The following DAB1 variants were observed in gnomAD, a reference collection of about 807,000 sequenced individuals.
DAB1 encodes the protein disabled homolog 1.
Under a neutral mutation model 64.6 loss-of-function variants are expected in DAB1, and 15 were observed. The observed-to-expected ratio is 0.23, with a 90% CI of 0.16 to 0.36. The LOEUF is 0.36. Among genes scored for constraint, DAB1 ranks in the 10% least tolerant of loss-of-function variants. The pLI is 1.00. For synonymous variants in DAB1, 235 were observed against 251.9 expected, an observed-to-expected ratio of 0.93 and a Z score of 0.64; for missense variants, 596 against 706.7, an observed-to-expected ratio of 0.84 and a Z score of 1.78.
chr1:58,004,103 T>C (rs1278107286), intron 5 of DAB1, among the ~76,000 whole-genome samples: 1 of 152,068 alleles, frequency 6.6e-6, no homozygotes, highest in East Asian at 1.9e-4. Flanking sequence ...CTCAGAGAAA[T>C]AGGCAGAGGT....
At chr1:57,333,056 C>T (rs1417211853) in intron 1 of DAB1, among the ~76,000 whole-genome samples, 1 of 152,206 alleles carries the variant, frequency 6.6e-6, no homozygotes, top group Non-Finnish European at 1.5e-5. Context: ...TCCCCAAGTA[C>T]ACTAGTAATG....
Position 57,145,378 on chromosome 1 carries a change from A to C in DAB1, c.119T>G (p.Val40Gly). Residue 40 changes from valine to glycine, a missense_variant, in exon 3 of 15, where the codon GTC (valine) becomes GGC (glycine). Val to Gly is a moderately radical substitution (Grantham distance 109, BLOSUM62 -3). Transcript: ENST00000371236. ...TLIKRFKGEGVRYKAKLIGID... is the reference protein window; with the variant it reads ...TLIKRFKGEGGRYKAKLIGID... ...CCCGATCAATTTGGCTTTGTACCGG[A>C]CCCCTTCACCTTTAAACCTCTTTAT... 1 of 1,614,058 alleles carries C rather than the reference A, an allele frequency of 6.2e-7. No homozygotes were observed. Among genetic ancestry groups the C allele is most frequent in the Non-Finnish European group, 8.5e-7 (1 of 1,179,958 alleles).
At chr1:57,414,177 G>C (rs1328626322) in intron 1 of DAB1, among the ~76,000 whole-genome samples, 1 of 152,176 alleles carries the variant, frequency 6.6e-6, no homozygotes, top group East Asian at 1.9e-4. Flanking sequence ...GTTCTGCTGT[G>C]GGTAAAATAC....
intron 1 of DAB1, among the ~76,000 whole-genome samples, chr1:57,847,279 GA>G (rs546954100): frequency 3.0e-4 from 40 of 131,252 alleles, no homozygotes; most frequent in Middle Eastern, 3.8e-3. Context: ...ATCACAGGAG[GA>G]AAAAAAAAAA....
Position 57,583,227 on chromosome 1 carries a change from A to T in DAB1, n.625+66365T>A, listed in dbSNP as rs375088852. ...AGCATCCTAAAGCATACATGTACAAACTTACTTTGGGACTCTAGACACATG... is the reference window on the plus strand; with the variant it reads ...AGCATCCTAAAGCATACATGTACAATCTTACTTTGGGACTCTAGACACATG... On this transcript the variant is annotated intron_variant and non_coding_transcript_variant, in intron 7 of 20. Transcript: ENST00000485760. Among the ~76,000 whole-genome samples, 6 of 151,580 alleles carry T rather than the reference A, an allele frequency of 4.0e-5. No individual in the cohort carries two copies. The South Asian group carries it at 8.4e-4, about 21-fold the overall frequency.
chr1:58,052,700 T>A (rs1173435428), intron 5 of DAB1, among the ~76,000 whole-genome samples: 2 of 152,236 alleles, frequency 1.3e-5, no homozygotes, highest in South Asian at 2.1e-4. Flanking sequence ...CTTCCATTTG[T>A]TCCTGTCCTC....
intron 6 of DAB1, among the ~76,000 whole-genome samples, chr1:57,774,729 A>C (rs957796113): frequency 2.0e-5 from 3 of 151,652 alleles, no homozygotes; most frequent in Non-Finnish European, 3.0e-5. Context: ...CAAATTATCA[A>C]CCAATGTTGT....
At chr1:57,651,904 T>C (rs1487344361) in intron 6 of DAB1, among the ~76,000 whole-genome samples, 2 of 152,224 alleles carry the variant, frequency 1.3e-5, no homozygotes, top group East Asian at 3.8e-4. Flanking sequence ...TGATCTGACC[T>C]GACCAAATCT....
chr1:56,996,145 ATACAATCAT>A lies in DAB1; in HGVS notation c.*1990_*1998del, dbSNP rs1645607230. 6.6e-6 allele frequency: 1 copy of A among 152,262 alleles called. No individual in the cohort carries two copies. 9.4% of individuals were successfully genotyped at this position (152,262 alleles called of 1,614,324 possible). ...ATCACTTTTCGCTTTGTGAACAAGTATACAATCATTTTTCAAATGAATCTCCCAAATCAT... is the reference window on the plus strand; with the variant it reads ...ATCACTTTTCGCTTTGTGAACAAGTATTTTCAAATGAATCTCCCAAATCAT... On this transcript the variant is annotated 3_prime_UTR_variant, in exon 15 of 15. Transcript: ENST00000371236.
At chr1:57,783,411 T>C (rs2101847947) in intron 6 of DAB1, among the ~76,000 whole-genome samples, 1 of 152,264 alleles carries the variant, frequency 6.6e-6, no homozygotes, top group East Asian at 1.9e-4. Flanking sequence ...TGAAAATAGT[T>C]TTCTATGTCA....
intron 6 of DAB1, among the ~76,000 whole-genome samples, chr1:57,736,315 C>T (rs2101782415): frequency 6.6e-6 from 1 of 152,216 alleles, no homozygotes; most frequent in South Asian, 2.1e-4. Context: ...ATGCTAGGAC[C>T]CCAAAGCAAA....
intron 6 of DAB1, among the ~76,000 whole-genome samples, chr1:57,674,288 G>A (rs1232216758): frequency 6.6e-6 from 1 of 152,244 alleles, no homozygotes; most frequent in East Asian, 1.9e-4. Flanking sequence ...CCCAAGAAGA[G>A]ATATTGTGAG....
At chr1:57,890,300 G>T (rs1483692289) in intron 5 of DAB1, among the ~76,000 whole-genome samples, 1 of 152,120 alleles carries the variant, frequency 6.6e-6, no homozygotes, top group Admixed American at 6.6e-5. Flanking sequence ...TCAGGAACGT[G>T]CATGTGGATA....
chr1:57,763,496 G>A (rs1649174032), intron 6 of DAB1, among the ~76,000 whole-genome samples: 1 of 152,078 alleles, frequency 6.6e-6, no homozygotes, highest in Non-Finnish European at 1.5e-5. Context: ...TGACAATAGT[G>A]AGACCCTGTT....
chr1:57,695,361 G>GAAAAGAA (rs1553119650), intron 6 of DAB1, among the ~76,000 whole-genome samples: 3 of 68,626 alleles, frequency 4.4e-5, no homozygotes, highest in African/African-American at 1.6e-4. Context: ...AGAAAAGAAA[G>GAAAAGAA]AAGAAAGAAA....
intron 3 of DAB1, among the ~76,000 whole-genome samples, chr1:57,143,191 G>T (rs1300931338): frequency 1.3e-5 from 2 of 152,154 alleles, no homozygotes; most frequent in African/African-American, 4.8e-5. Flanking sequence ...AAGGGCAGGG[G>T]TTGGGAGAAC....
intron 2 of DAB1, among the ~76,000 whole-genome samples, chr1:57,191,068 T>C (rs1272706429): frequency 6.6e-6 from 1 of 152,126 alleles, no homozygotes; most frequent in Admixed American, 6.5e-5. Context: ...TAAAGTGAAA[T>C]GGTGCACACG....
At chr1:57,089,387 TA>T (rs1247694808) in intron 4 of DAB1, among the ~76,000 whole-genome samples, 1 of 152,138 alleles carries the variant, frequency 6.6e-6, no homozygotes, top group Non-Finnish European at 1.5e-5. Context: ...AAAAGATACG[TA>T]ATTGGCTCAC....
intron 1 of DAB1, among the ~76,000 whole-genome samples, chr1:57,394,939 C>A (rs939780044): frequency 6.6e-6 from 1 of 152,186 alleles, no homozygotes; most frequent in Admixed American, 6.5e-5. Context: ...ACTTTCTATA[C>A]CCTCTTAGAA....
Sources: gnomAD v4.1 joint callset for allele counts (sites outside exome capture counted in the v4.1 genomes callset) on GRCh38, gnomAD v4.1.1 for gene constraint, MANE v1.5 for transcripts, NCBI Gene and HGNC (gene_info 2026-07-23, HGNC 2026-07-21) for gene names.